Variants in ABRACL observed in about 807,000 individuals in gnomAD.
ABRACL encodes ABRA C-terminal like, also known as costars family protein ABRACL.
ABRACL carries 4 observed loss-of-function variants against 7.0 expected under a neutral mutation model. The observed-to-expected ratio is 0.57, with a 90% CI of 0.28 to 1.30. The LOEUF is 1.30. ABRACL is among the 50% of genes most tolerant of loss of function. The pLI, the probability that ABRACL is intolerant of heterozygous loss-of-function variation, is 0.10. For missense variants in ABRACL, 104 were observed against 97.3 expected, an observed-to-expected ratio of 1.07 and a Z score of -0.29; for synonymous variants, 30 against 36.0, an observed-to-expected ratio of 0.83 and a Z score of 0.60.
In ABRACL at chr6:139,042,765, T is replaced by C. The variant is rs1357880471; in HGVS notation, c.108T>C (p.Asp36=). The change falls in exon 3 of 3, where the codon GAT becomes GAC. Residue 36 remains aspartate (D), a synonymous_variant. Coordinates refer to ENST00000367660, the MANE Select transcript of ABRACL (RefSeq NM_021243.3). ...LSVKFGVLFR[D]DKCANLFEAL... ...TGAAATTTGGGGTCCTCTTCCGTGA[T>C]GATAAATGTGCCAACCTCTTTGAAG... 3 of 1,613,676 alleles carry C rather than the reference T, an allele frequency of 1.9e-6. No homozygotes were observed. Among genetic ancestry groups the C allele is most frequent in the Admixed American group, 1.7e-5 (1 of 59,880 alleles).
chr6:139,034,313 C>T, intron 2 of ABRACL, 92 bp downstream of exon 2: 1 of 1,607,820 alleles, frequency 6.2e-7, no homozygotes. Context: ...AGGGGTCACC[C>T]AGGGCTTCAG....
At chr6:139,038,837 T>G (rs1378541327) in intron 2 of ABRACL, among the ~76,000 whole-genome samples, 1 of 152,240 alleles carries the variant, frequency 6.6e-6, no homozygotes, top group Non-Finnish European at 1.5e-5. Context: ...CTGTGTGACC[T>G]TGGCTACTTT....
In ABRACL at chr6:139,042,718, G is replaced by C; in HGVS notation, c.62-1G>C. 6.2e-7 allele frequency: 1 copy of C among 1,609,166 alleles called. No individual in the cohort carries two copies. Among genetic ancestry groups the C allele is most frequent in the Non-Finnish European group, 8.5e-7 (1 of 1,177,536 alleles). Reference sequence around the variant, plus strand: ...GCTAACAATGTATTTTCTCAAACTAGATGCTGATGGAAAGTTAAGCGTGAA... The same window carrying C: ...GCTAACAATGTATTTTCTCAAACTACATGCTGATGGAAAGTTAAGCGTGAA... On this transcript the variant is annotated splice_acceptor_variant, in intron 2 of 2. Transcript: ENST00000367660. LOFTEE classifies it high-confidence loss of function.
intron 2 of ABRACL, among the ~76,000 whole-genome samples, chr6:139,041,324 G>A (rs1016915753): frequency 6.7e-6 from 1 of 150,214 alleles, no homozygotes; most frequent in African/African-American, 2.4e-5. Flanking sequence ...GAGTGCACTA[G>A]CACGATCATG....
At chr6:139,032,305 G>T (rs1160466263) in intron 1 of ABRACL, among the ~76,000 whole-genome samples, 1 of 152,198 alleles carries the variant, frequency 6.6e-6, no homozygotes, top group Non-Finnish European at 1.5e-5. Flanking sequence ...CAGGCCTCGT[G>T]CCTGTGTACT....
In ABRACL at chr6:139,036,246, C is replaced by G. The variant is rs184511852; in HGVS notation, c.61+2025C>G. On this transcript the variant is annotated intron_variant, in intron 2 of 2. Coordinates refer to ENST00000367660, the MANE Select transcript of ABRACL (RefSeq NM_021243.3). ...GTGAGCCACCGTGCCTGGCCTGCCT[C>G]CTTCTTCTGTTTTAAGGACTTTTTG... Among the ~76,000 whole-genome samples the G allele has an allele frequency of 2.0e-3, 299 of 152,092 alleles. 2 individuals carry two copies. In the Middle Eastern group the frequency reaches 0.061, roughly 31 times the overall value.
intron 1 of ABRACL, among the ~76,000 whole-genome samples, chr6:139,030,819 T>C (rs1347543304): frequency 6.6e-6 from 1 of 152,202 alleles, no homozygotes; most frequent in Non-Finnish European, 1.5e-5. Flanking sequence ...AACCCCTGTT[T>C]CGTTATCCTT....
At chr6:139,041,643 G>A (rs1187135947) in intron 2 of ABRACL, among the ~76,000 whole-genome samples, 2 of 151,380 alleles carry the variant, frequency 1.3e-5, no homozygotes, top group Non-Finnish European at 2.9e-5. Context: ...TTACAGGCAT[G>A]AGCCGTTGCA....
chr6:139,034,396 C>T (rs769070601), intron 2 of ABRACL, 175 bp downstream of exon 2: 2 of 1,547,720 alleles, frequency 1.3e-6, no homozygotes, highest in Middle Eastern at 1.9e-4. Flanking sequence ...CATCTGGAGA[C>T]ACGGGGCTTT....
chr6:139,033,099 C>T (rs1170902929), intron 1 of ABRACL, among the ~76,000 whole-genome samples: 1 of 152,182 alleles, frequency 6.6e-6, no homozygotes, highest in Non-Finnish European at 1.5e-5. Context: ...GAATTAGCTC[C>T]TGGAAGGAGG....
At chr6:139,030,650 T>C (rs1227783321) in intron 1 of ABRACL, among the ~76,000 whole-genome samples, 1 of 152,248 alleles carries the variant, frequency 6.6e-6, no homozygotes, top group Non-Finnish European at 1.5e-5. Flanking sequence ...TTTCTTGCTT[T>C]GTAAGTGTTC....
Position 139,042,882 on chromosome 6 carries a change from C to T in ABRACL, c.225C>T (p.Asp75=), listed in dbSNP as rs2114320780. ...TGCAAGGTGTTCATGATGATGTTGA[C>T]ATTATATTACTGCAAGATTAATGTG... ...LLLQGVHDDV[D]IILLQD The change falls in exon 3 of 3, where the codon GAC becomes GAT. Residue 75 remains aspartate, a synonymous_variant. Coordinates refer to ENST00000367660, the MANE Select transcript of ABRACL (RefSeq NM_021243.3). The T allele has an allele frequency of 6.2e-7, 1 of 1,610,390 alleles. No individual in the cohort carries two copies. Among genetic ancestry groups the T allele is most frequent in the Non-Finnish European group, 8.5e-7 (1 of 1,178,728 alleles).
At chr6:139,031,756 G>A (rs1786084227) in intron 1 of ABRACL, among the ~76,000 whole-genome samples, 2 of 152,198 alleles carry the variant, frequency 1.3e-5, no homozygotes, top group African/African-American at 2.4e-5. Context: ...GATGGGCTCA[G>A]CTACGTCATG....
chr6:139,030,421 C>A (rs1786065102), intron 1 of ABRACL, among the ~76,000 whole-genome samples: 1 of 152,174 alleles, frequency 6.6e-6, no homozygotes, highest in South Asian at 2.1e-4. Flanking sequence ...TCACCCTCCG[C>A]CCCCTTCATT....
intron 2 of ABRACL, among the ~76,000 whole-genome samples, chr6:139,040,025 G>A (rs909192014): frequency 1.3e-5 from 2 of 152,054 alleles, no homozygotes; most frequent in African/African-American, 2.4e-5. Flanking sequence ...CCAGGAGTTC[G>A]AGGTTGCAGT....
At chr6:139,039,202 G>A (rs1021340414) in intron 2 of ABRACL, among the ~76,000 whole-genome samples, 2 of 150,852 alleles carry the variant, frequency 1.3e-5, no homozygotes, top group Non-Finnish European at 2.9e-5. Context: ...TCCAGCCTGG[G>A]CAACAAGAAG....
chr6:139,041,372 C>T (rs988944037), intron 2 of ABRACL, among the ~76,000 whole-genome samples: 4 of 150,336 alleles, frequency 2.7e-5, no homozygotes, highest in Admixed American at 1.3e-4. Flanking sequence ...TCAAACAGCC[C>T]TCTGCTTCAG....
intron 2 of ABRACL, 50 bp from the exon 3 acceptor site, chr6:139,042,669 G>T (rs779520692): frequency 4.0e-6 from 6 of 1,516,040 alleles, no homozygotes; most frequent in Non-Finnish European, 9.0e-7. Flanking sequence ...CCATACTTGA[G>T]GGTATGAAAC....
chr6:139,042,993 T>C lies in ABRACL; in HGVS notation c.*90T>C. 3 of 1,123,146 alleles carry C rather than the reference T, an allele frequency of 2.7e-6. No homozygotes were observed. The South Asian group carries it at 6.0e-5, about 22-fold the overall frequency. 69.6% of individuals were successfully genotyped at this position (1,123,146 alleles called of 1,614,324 possible). ...AGAACAAACATTTGAACATACTTAA[T>C]GTATTTTTATAGAACTTTGTAAACG... is the stretch of plus-strand genomic sequence containing the variant. On this transcript the variant is annotated 3_prime_UTR_variant, in exon 3 of 3. Coordinates refer to ENST00000367660, the MANE Select transcript of ABRACL (RefSeq NM_021243.3).
Sources: allele counts gnomAD v4.1 joint callset (sites outside exome capture counted in the v4.1 genomes callset), GRCh38; gene constraint gnomAD v4.1.1; transcripts MANE v1.5; gene names NCBI Gene and HGNC (gene_info 2026-07-23, HGNC 2026-07-21).